Variants in KCNK10 observed in about 807,000 individuals in gnomAD.
KCNK10 encodes the protein potassium two pore domain channel subfamily K member 10.
In KCNK10, 25 loss-of-function variants were observed where a neutral mutation model predicts 47.7. That is an observed-to-expected ratio of 0.52 (90% confidence interval 0.38 to 0.73). The LOEUF (loss-of-function observed/expected upper bound fraction) is 0.73, where lower values mean the gene tolerates loss of function less well. Ranked by LOEUF, KCNK10 falls within the 30% of genes least tolerant of loss-of-function variation. KCNK10 has a pLI of 0.00. For synonymous variants in KCNK10, 303 were observed against 285.6 expected (o/e 1.06, Z -0.61); for missense variants, 563 against 714.5 (o/e 0.79, Z 2.42).
intron 4 of KCNK10, among the ~76,000 whole-genome samples, chr14:88,225,697 G>A (rs1029149592): frequency 3.3e-5 from 5 of 152,154 alleles, no homozygotes; most frequent in African/African-American, 1.2e-4. Context: ...AAATAAAAAT[G>A]CCAGATCAGT....
Position 88,260,252 on chromosome 14 carries a change from T to C in KCNK10, c.402+2950A>G, listed in dbSNP as rs1887074038. 6.6e-6 allele frequency among the ~76,000 whole-genome samples: 1 copy of C among 152,084 alleles called. No individual in the cohort carries two copies. Among genetic ancestry groups the C allele is most frequent in the Non-Finnish European group, 1.5e-5 (1 of 68,012 alleles). On this transcript the variant is annotated intron_variant, in intron 2 of 6. Coordinates refer to ENST00000319231, the MANE Select transcript of KCNK10 (RefSeq NM_138317.3). This position sits in a 1 kb window ranked among gnomAD's most constrained non-coding sequence, Gnocchi z 4.5. ...GCCACCGCGCCAGGCCAAGATATGGTTGTTTAAAAGTGTGTAGCATCCCTC... is the reference window on the plus strand; with the variant it reads ...GCCACCGCGCCAGGCCAAGATATGGCTGTTTAAAAGTGTGTAGCATCCCTC...
intron 1 of KCNK10, among the ~76,000 whole-genome samples, chr14:88,285,214 C>T (rs1323852943): frequency 1.3e-5 from 2 of 152,302 alleles, no homozygotes; most frequent in African/African-American, 2.4e-5. Flanking sequence ...CGGATTCAAG[C>T]GACTCTCATG....
chr14:88,272,852 T>C (rs1230612187), intron 1 of KCNK10, among the ~76,000 whole-genome samples: 1 of 151,842 alleles, frequency 6.6e-6, no homozygotes, highest in African/African-American at 2.4e-5. Context: ...AGACAAGGCG[T>C]GTTAAGGAAG....
At chr14:88,282,066 C>T (rs538534228) in intron 1 of KCNK10, among the ~76,000 whole-genome samples, 5 of 152,144 alleles carry the variant, frequency 3.3e-5, no homozygotes, top group East Asian at 1.9e-4. Flanking sequence ...TACCCAGTAC[C>T]TAGTATGGTG....
intron 1 of KCNK10, among the ~76,000 whole-genome samples, chr14:88,301,270 C>T (rs1446355768): frequency 1.3e-5 from 2 of 151,978 alleles, no homozygotes; most frequent in Admixed American, 6.6e-5. Context: ...GTCATTATCA[C>T]CATCATCATC....
At chr14:88,230,642 C>T (rs1159439784) in intron 3 of KCNK10, among the ~76,000 whole-genome samples, 1 of 152,168 alleles carries the variant, frequency 6.6e-6, no homozygotes, top group African/African-American at 2.4e-5. Context: ...GATGTGCACC[C>T]TGTGCAGTCC....
intron 1 of KCNK10, among the ~76,000 whole-genome samples, chr14:88,287,286 A>G (rs2139777662): frequency 6.6e-6 from 1 of 152,344 alleles, no homozygotes; most frequent in East Asian, 1.9e-4. Flanking sequence ...GGATGCTACC[A>G]TCAATTATCA....
intron 1 of KCNK10, among the ~76,000 whole-genome samples, chr14:88,319,152 C>T (rs1888489655): frequency 6.6e-6 from 1 of 152,158 alleles, no homozygotes; most frequent in South Asian, 2.1e-4. Flanking sequence ...GGCCATAGCT[C>T]ACCAGAGATG....
At chr14:88,216,270 T>A (rs779831495) in intron 4 of KCNK10, among the ~76,000 whole-genome samples, 1 of 152,126 alleles carries the variant, frequency 6.6e-6, no homozygotes. Flanking sequence ...GCACCAGAGC[T>A]CGTGTGGAAG....
chr14:88,287,778 A>AT (rs892647506), intron 1 of KCNK10, among the ~76,000 whole-genome samples: 13 of 150,962 alleles, frequency 8.6e-5, no homozygotes, highest in Admixed American at 7.9e-4. Context: ...CTGGTTCCAT[A>AT]TTTTTGCAAT....
intron 3 of KCNK10, among the ~76,000 whole-genome samples, chr14:88,228,114 C>T (rs1292595925): frequency 6.6e-6 from 1 of 150,888 alleles, no homozygotes; most frequent in African/African-American, 2.5e-5. Flanking sequence ...TCTCTCCCCA[C>T]CGCCAGTGAA....
intron 1 of KCNK10, among the ~76,000 whole-genome samples, chr14:88,288,193 C>T (rs1324860293): frequency 1.3e-5 from 2 of 152,128 alleles, no homozygotes; most frequent in African/African-American, 4.8e-5. Flanking sequence ...AAATGTACAG[C>T]TCTAACGTTT....
In KCNK10 at chr14:88,310,662, G is replaced by A. The variant is rs182267243; in HGVS notation, c.52+12085C>T. Among the ~76,000 whole-genome samples the A allele has an allele frequency of 9.9e-5, 15 of 152,274 alleles. No individual in the cohort carries two copies. The East Asian group carries it at 1.4e-3, about 14-fold the overall frequency. ...TCTCACCCTGCCAGAGAAAGGGATC[G>A]GCACATCAGAAGCTTTCATTAATTC... On this transcript the variant is annotated intron_variant, in intron 1 of 6. Coordinates refer to ENST00000319231, the MANE Select transcript of KCNK10 (RefSeq NM_138317.3).
At chr14:88,265,495 G>T (rs958365766) in intron 1 of KCNK10, among the ~76,000 whole-genome samples, 2 of 152,156 alleles carry the variant, frequency 1.3e-5, no homozygotes, top group Non-Finnish European at 2.9e-5. Flanking sequence ...CTTTGATTTT[G>T]GCCAAGTGAG....
chr14:88,236,858 G>A (rs374450592), intron 3 of KCNK10, among the ~76,000 whole-genome samples: 15 of 152,078 alleles, frequency 9.9e-5, no homozygotes, highest in African/African-American at 3.1e-4. Flanking sequence ...TAATGCTTTC[G>A]CTGGCGGAGG....
At chr14:88,284,916 C>A (rs566579444) in intron 1 of KCNK10, among the ~76,000 whole-genome samples, 2 of 152,346 alleles carry the variant, frequency 1.3e-5, no homozygotes, top group Admixed American at 1.3e-4. Context: ...AACTGCTTCA[C>A]TGTATTGTGC....
chr14:88,326,542 G>A (rs986181801), upstream of KCNK10: 5 of 994,960 alleles, frequency 5.0e-6, no homozygotes, highest in African/African-American at 6.5e-5. Context: ...GTTAAGTCTG[G>A]TGGAAAGAGA....
chr14:88,254,259 C>T (rs997369317), intron 2 of KCNK10, among the ~76,000 whole-genome samples: 1 of 152,194 alleles, frequency 6.6e-6, no homozygotes, highest in Non-Finnish European at 1.5e-5. Flanking sequence ...TTAGACCAAC[C>T]TGCCCCCAGA....
intron 1 of KCNK10, among the ~76,000 whole-genome samples, chr14:88,297,744 A>G (rs1239480616): frequency 6.6e-6 from 1 of 152,320 alleles, no homozygotes; most frequent in East Asian, 1.9e-4. Context: ...GCTTTGCCCT[A>G]TTCATTGCAG....
Sources: allele counts gnomAD v4.1 joint callset (sites outside exome capture counted in the v4.1 genomes callset), GRCh38; gene constraint gnomAD v4.1.1; non-coding constraint Gnocchi (gnomAD v3.1); transcripts MANE v1.5; gene names NCBI Gene and HGNC (gene_info 2026-07-23, HGNC 2026-07-21).